KCNIP4: variants seen among roughly 807,000 people sequenced by gnomAD.
KCNIP4 encodes Kv channel-interacting protein 4.
A neutral mutation model predicts 34.0 loss-of-function variants in KCNIP4; 12 were observed. The ratio of observed to expected loss-of-function variants is 0.35; its 90% CI spans 0.23 to 0.57. The LOEUF (loss-of-function observed/expected upper bound fraction) is 0.57. Among genes scored for constraint, KCNIP4 ranks in the 20% least tolerant of loss-of-function variants. The pLI, the probability that KCNIP4 is intolerant of heterozygous loss-of-function variation, is 0.83. For missense variants in KCNIP4, 238 were observed against 311.7 expected, an observed-to-expected ratio of 0.76 and a Z score of 1.78; for synonymous variants, 124 against 102.2, an observed-to-expected ratio of 1.21 and a Z score of -1.29.
intron 3 of KCNIP4, among the ~76,000 whole-genome samples, chr4:20,804,538 C>T (rs1057282774): frequency 6.6e-6 from 1 of 150,750 alleles, no homozygotes; most frequent in African/African-American, 2.4e-5. Context: ...ATATCCTTAC[C>T]TAATATCTTT....
intron 1 of KCNIP4, among the ~76,000 whole-genome samples, chr4:21,150,767 G>A (rs140338315): frequency 2.6e-4 from 40 of 152,276 alleles, no homozygotes; most frequent in African/African-American, 8.7e-4. Flanking sequence ...GCAGAAAAAT[G>A]GACCTAAATT....
At chr4:21,014,100 T>A (rs1239562991) in intron 1 of KCNIP4, among the ~76,000 whole-genome samples, 1 of 152,206 alleles carries the variant, frequency 6.6e-6, no homozygotes, top group Non-Finnish European at 1.5e-5. Flanking sequence ...GACATCTACA[T>A]CTTTACCTCC....
intron 1 of KCNIP4, chr4:21,697,472 G>T: frequency 6.5e-7 from 1 of 1,532,168 alleles, no homozygotes; most frequent in Non-Finnish European, 8.7e-7. Flanking sequence ...AGGAGAGCCA[G>T]AAGTCTTTGC....
At chr4:21,435,237 A>C (rs770059220) in intron 1 of KCNIP4, among the ~76,000 whole-genome samples, 3 of 152,226 alleles carry the variant, frequency 2.0e-5, no homozygotes, top group Non-Finnish European at 4.4e-5. Context: ...TGATAGAGAC[A>C]TGCGGACACG....
chr4:21,491,666 C>T (rs953490975), intron 1 of KCNIP4, among the ~76,000 whole-genome samples: 1 of 152,290 alleles, frequency 6.6e-6, no homozygotes, highest in East Asian at 1.9e-4. Flanking sequence ...AGCCACCACA[C>T]CTGGCCTGAA....
At chr4:21,510,629 G>T (rs993006318) in intron 1 of KCNIP4, among the ~76,000 whole-genome samples, 1 of 152,110 alleles carries the variant, frequency 6.6e-6, no homozygotes, top group Non-Finnish European at 1.5e-5. Flanking sequence ...TTAACAAGTT[G>T]ATGATACTCT....
chr4:20,915,635 T>C (rs1458800331), intron 1 of KCNIP4, among the ~76,000 whole-genome samples: 2 of 152,184 alleles, frequency 1.3e-5, no homozygotes, highest in South Asian at 4.1e-4. Flanking sequence ...AAGGGTTTGA[T>C]GTTGTCTAAT....
intron 1 of KCNIP4, among the ~76,000 whole-genome samples, chr4:21,681,122 T>TG (rs1000317064): frequency 4.6e-5 from 7 of 152,118 alleles, no homozygotes; most frequent in African/African-American, 1.7e-4. Flanking sequence ...GTCACCCAGG[T>TG]GGGGTGCAGT....
At chr4:21,157,783 A>G (rs1753252039) in intron 1 of KCNIP4, among the ~76,000 whole-genome samples, 2 of 152,174 alleles carry the variant, frequency 1.3e-5, no homozygotes, top group Non-Finnish European at 1.5e-5. Flanking sequence ...AATTAGAAAA[A>G]GAAGAGTAAA....
At chr4:21,661,720 C>G (rs547327345) in intron 1 of KCNIP4, among the ~76,000 whole-genome samples, 1 of 152,138 alleles carries the variant, frequency 6.6e-6, no homozygotes, top group African/African-American at 2.4e-5. Context: ...CCTGCCCCCA[C>G]CCTCCACCCT....
chr4:21,580,681 C>T (rs1288553668), intron 1 of KCNIP4, among the ~76,000 whole-genome samples: 1 of 152,022 alleles, frequency 6.6e-6, no homozygotes, highest in Non-Finnish European at 1.5e-5. Context: ...CCATGCATAC[C>T]ATGCACACAT....
intron 1 of KCNIP4, among the ~76,000 whole-genome samples, chr4:21,260,944 G>A (rs1189353523): frequency 6.6e-6 from 1 of 152,172 alleles, no homozygotes; most frequent in African/African-American, 2.4e-5. Flanking sequence ...TTGAAAAAGG[G>A]AATCATTTTA....
At chr4:21,710,542 A>T (rs1713644260) in intron 1 of KCNIP4, among the ~76,000 whole-genome samples, 1 of 152,168 alleles carries the variant, frequency 6.6e-6, no homozygotes, top group South Asian at 2.1e-4. Context: ...GTTGTACTAA[A>T]AGCTTTTTTA....
chr4:21,060,362 T>C (rs2108969751), intron 1 of KCNIP4, among the ~76,000 whole-genome samples: 2 of 151,660 alleles, frequency 1.3e-5, no homozygotes, highest in Non-Finnish European at 2.9e-5. Context: ...ACCCAGAATT[T>C]TTTCCCTACA....
chr4:21,444,630 A>T (rs1445150266), intron 1 of KCNIP4, among the ~76,000 whole-genome samples: 2 of 152,214 alleles, frequency 1.3e-5, no homozygotes, highest in Admixed American at 1.3e-4. Flanking sequence ...GTATCTCAAA[A>T]TAATAAGAGC....
In KCNIP4 at chr4:21,894,961, C is replaced by A. The variant is rs182413936; in HGVS notation, c.61+53610G>T. On this transcript the variant is annotated intron_variant, in intron 1 of 8. Transcript: ENST00000382152. ...AGCTGACTCAGTCTTTCCTCATTATCCCTGTCCCTTTAATCCATGTTCTCT... is the reference window on the plus strand; with the variant it reads ...AGCTGACTCAGTCTTTCCTCATTATACCTGTCCCTTTAATCCATGTTCTCT... Among the ~76,000 whole-genome samples, 4 of 152,280 alleles carry A rather than the reference C, an allele frequency of 2.6e-5. No homozygotes were observed. The East Asian group carries it at 7.7e-4, about 29-fold the overall frequency.
At chr4:21,691,627 G>A (rs886430451) in intron 1 of KCNIP4, among the ~76,000 whole-genome samples, 2 of 149,930 alleles carry the variant, frequency 1.3e-5, no homozygotes, top group Non-Finnish European at 3.0e-5. Flanking sequence ...GCACTGATGT[G>A]TAAGTGCTGA....
chr4:21,652,121 A>G (rs1414569112), intron 1 of KCNIP4, among the ~76,000 whole-genome samples: 2 of 152,130 alleles, frequency 1.3e-5, no homozygotes, highest in Non-Finnish European at 2.9e-5. Flanking sequence ...TCTGGATGGT[A>G]AATTTCTTAA....
At chr4:21,215,292 T>C (rs1029599430) in intron 1 of KCNIP4, among the ~76,000 whole-genome samples, 8 of 152,172 alleles carry the variant, frequency 5.3e-5, no homozygotes, top group African/African-American at 1.9e-4. Flanking sequence ...GATACTTCAA[T>C]TAGAAAGTCA....
Sources: gnomAD v4.1 joint callset for allele counts (sites outside exome capture counted in the v4.1 genomes callset) on GRCh38, gnomAD v4.1.1 for gene constraint, MANE v1.5 for transcripts, NCBI Gene and HGNC (gene_info 2026-07-23, HGNC 2026-07-21) for gene names.